The following RYR3 variants were observed in gnomAD, a reference collection of about 807,000 sequenced individuals.
RYR3 encodes brain ryanodine receptor-calcium release channel.
In RYR3, 207 loss-of-function variants were observed where a neutral mutation model predicts 584.3. The observed-to-expected ratio is 0.35, with a 90% CI of 0.32 to 0.40. The LOEUF (loss-of-function observed/expected upper bound fraction) is 0.40. RYR3 is among the 10% of genes least tolerant of loss of function. The probability of loss-of-function intolerance (pLI) is 1.00; values close to 1 mark genes in which losing one functional copy is unlikely to be tolerated. For synonymous variants in RYR3, 2,416 were observed against 2,248.5 expected, an observed-to-expected ratio of 1.07 and a Z score of -2.11; for missense variants, 5,616 against 6,089.2, an observed-to-expected ratio of 0.92 and a Z score of 2.59.
intron 19 of RYR3, among the ~76,000 whole-genome samples, chr15:33,616,327 C>A (rs929921310): frequency 6.6e-6 from 1 of 152,146 alleles, no homozygotes; most frequent in Non-Finnish European, 1.5e-5. Context: ...CCGTCTCCCT[C>A]AGAACAGTGA....
At chr15:33,860,395 TGTA>T (rs1567353631) in intron 100 of RYR3, among the ~76,000 whole-genome samples, 197 bp from the exon 101 acceptor site, 1 of 152,084 alleles carries the variant, frequency 6.6e-6, no homozygotes, top group Non-Finnish European at 1.5e-5. Flanking sequence ...CACTGCATGG[TGTA>T]GAAAGGTAGA....
chr15:33,554,510 A>G (rs928278748), intron 10 of RYR3, among the ~76,000 whole-genome samples: 2 of 151,948 alleles, frequency 1.3e-5, no homozygotes, highest in Admixed American at 1.3e-4. Context: ...GTTAGCCAGG[A>G]CGGTCTCGAT....
At chr15:33,862,998 T>C (rs1446173709) in intron 102 of RYR3, among the ~76,000 whole-genome samples, 3 of 152,224 alleles carry the variant, frequency 2.0e-5, no homozygotes, top group African/African-American at 4.8e-5. Context: ...TAAGAGAATA[T>C]ACATCTTAAT....
chr15:33,772,266 T>G (rs62012654), intron 63 of RYR3, 108 bp downstream of exon 63: 30,692 of 632,286 alleles, frequency 0.049, 985 homozygotes, highest in South Asian at 0.095. Flanking sequence ...GAGAGAGAAT[T>G]ATTCCATGCC....
intron 55 of RYR3, among the ~76,000 whole-genome samples, chr15:33,749,665 G>A (rs959790369): frequency 3.9e-5 from 6 of 152,174 alleles, no homozygotes; most frequent in Non-Finnish European, 7.3e-5. Flanking sequence ...ATACCAAGCT[G>A]CTGTGAAAAA....
chr15:33,313,142 A>G (rs2676078), intron 1 of RYR3, among the ~76,000 whole-genome samples: 62,769 of 152,050 alleles, frequency 0.41, 14,732 homozygotes, highest in South Asian at 0.53. Flanking sequence ...TTATCACCTT[A>G]TGTATTTTTT....
chr15:33,660,377 C>T lies in RYR3; in HGVS notation c.4576C>T (p.Leu1526=). 1 of 1,585,046 alleles carries T rather than the reference C, an allele frequency of 6.3e-7. No individual in the cohort carries two copies. The highest frequency in any genetic ancestry group is 8.6e-7 in the Non-Finnish European group (1 of 1,165,946). The change falls in exon 34 of 104, where the codon CTG becomes TTG. Residue 1526 remains leucine (L), a synonymous_variant. Coordinates refer to ENST00000634891, the MANE Select transcript of RYR3 (RefSeq NM_001036.6). ...SERHGWVVQC[L]EPLQMMALHI... ...GCGCCACGGCTGGGTGGTGCAGTGC[C>T]TGGAGCCCCTGCAGATGATGGCGCT...
intron 16 of RYR3, among the ~76,000 whole-genome samples, chr15:33,590,462 A>T (rs1008672301): frequency 6.6e-6 from 1 of 151,898 alleles, no homozygotes; most frequent in African/African-American, 2.4e-5. Context: ...TTTGATAGGG[A>T]TTGTATTGAA....
chr15:33,726,617 T>G, intron 46 of RYR3, 111 bp downstream of exon 46: 1 of 1,169,360 alleles, frequency 8.6e-7, no homozygotes, highest in Non-Finnish European at 1.2e-6. Flanking sequence ...CAGGGCGGGC[T>G]GCACAGGGCA....
rs2057745994 is a variant in RYR3 at position 33,566,874 on chromosome 15, T to G, written c.1268+75T>G. The G allele has an allele frequency of 2.0e-6, 3 of 1,494,610 alleles. No individual in the cohort carries two copies. In the Admixed American group the frequency reaches 5.1e-5, roughly 25 times the overall value. The allele number at this position is 1,494,610 out of a possible 1,614,324, so 92.6% of individuals were successfully genotyped here. A position where few individuals can be genotyped will look rare whatever the true frequency, so the allele number is the denominator to read the frequency against. On this transcript the variant is annotated intron_variant, in intron 12 of 103. Coordinates refer to ENST00000634891, the MANE Select transcript of RYR3 (RefSeq NM_001036.6). ...TGCCAACACCACCACCCACCTCCTT[T>G]TGATACTGTGAATGTTTTCAGGAAA...
Position 33,726,377 on chromosome 15 carries a change from A to C in RYR3, c.6913-9A>C, listed in dbSNP as rs745523041. 1 of 1,612,848 alleles carries C rather than the reference A, an allele frequency of 6.2e-7. No individual in the cohort carries two copies. Among genetic ancestry groups the C allele is most frequent in the Non-Finnish European group, 8.5e-7 (1 of 1,179,542 alleles). ...CTTATCTAATGTCATTCTCAACCCT[A>C]TCTTCCAGCTCATCCAGACAGGAAA... On this transcript the variant is annotated splice_polypyrimidine_tract_variant and intron_variant, in intron 45 of 103. Coordinates refer to ENST00000634891, the MANE Select transcript of RYR3 (RefSeq NM_001036.6).
intron 16 of RYR3, among the ~76,000 whole-genome samples, chr15:33,592,422 A>T (rs597566): frequency 0.69 from 104,279 of 152,038 alleles, 36,252 homozygotes; most frequent in African/African-American, 0.81. Flanking sequence ...CCAGTGCTGC[A>T]CTTCTGGGGA....
intron 45 of RYR3, among the ~76,000 whole-genome samples, chr15:33,726,168 C>A (rs1248743151): frequency 1.3e-5 from 2 of 152,018 alleles, no homozygotes; most frequent in African/African-American, 4.8e-5. Flanking sequence ...AGGAATCAAG[C>A]AACGTCTTTA....
At chr15:33,563,108 T>A (rs1332432580) in intron 11 of RYR3, 98 bp downstream of exon 11, 2 of 964,582 alleles carry the variant, frequency 2.1e-6, no homozygotes, top group African/African-American at 3.3e-5. Context: ...ATGATTGTGA[T>A]TTACTTCTTA....
intron 85 of RYR3, 151 bp from the exon 86 acceptor site, chr15:33,830,812 G>A (rs922642790): frequency 1.6e-6 from 1 of 638,576 alleles, no homozygotes; most frequent in Non-Finnish European, 2.6e-6. Flanking sequence ...TAGAGACCTG[G>A]TATCTCTGCA....
intron 2 of RYR3, among the ~76,000 whole-genome samples, chr15:33,486,403 C>T (rs183364220): frequency 1.2e-4 from 18 of 152,224 alleles, no homozygotes; most frequent in Admixed American, 1.1e-3. Flanking sequence ...TCTCTGTGCA[C>T]GTCTTTGCCT....
intron 76 of RYR3, 62 bp downstream of exon 76, chr15:33,818,746 C>T: frequency 2.5e-6 from 3 of 1,209,142 alleles, no homozygotes; most frequent in South Asian, 2.6e-5. Flanking sequence ...CCACTCCTGA[C>T]CTTCTTCTCT....
intron 1 of RYR3, among the ~76,000 whole-genome samples, chr15:33,449,538 T>C (rs1261910308): frequency 6.6e-6 from 1 of 151,870 alleles, no homozygotes; most frequent in Non-Finnish European, 1.5e-5. Flanking sequence ...CTACATAACA[T>C]AGTGTGAATG....
At chr15:33,724,038 A>T in intron 44 of RYR3, 27 bp from the exon 45 acceptor site, 1 of 1,378,818 alleles carries the variant, frequency 7.3e-7, no homozygotes, top group Non-Finnish European at 1.0e-6. Flanking sequence ...AACCTTCCTC[A>T]CACCTCCCCT....
Sources: gnomAD v4.1 joint callset for allele counts (sites outside exome capture counted in the v4.1 genomes callset) on GRCh38, gnomAD v4.1.1 for gene constraint, MANE v1.5 for transcripts, NCBI Gene and HGNC (gene_info 2026-07-23, HGNC 2026-07-21) for gene names.